AOPEP: variants seen among roughly 807,000 people sequenced by gnomAD.
AOPEP encodes aminopeptidase O.
A neutral mutation model predicts 98.1 loss-of-function variants in AOPEP; 77 were observed. The ratio of observed to expected loss-of-function variants is 0.78; its 90% CI spans 0.65 to 0.95. The LOEUF (loss-of-function observed/expected upper bound fraction) is 0.95, where lower values mean the gene tolerates loss of function less well. AOPEP is among the 40% of genes least tolerant of loss of function. The probability of loss-of-function intolerance (pLI) is 0.00; values close to 1 mark genes in which losing one functional copy is unlikely to be tolerated. For synonymous variants in AOPEP, 346 were observed against 365.3 expected (o/e 0.95, Z 0.60); for missense variants, 1,024 against 1,024.7 (o/e 1.00, Z 0.01).
the AOPEP span, among the ~76,000 whole-genome samples, chr9:95,147,244 G>A: frequency 4.6e-5 from 7 of 152,110 alleles, no homozygotes; most frequent in Non-Finnish European, 1.0e-4. Context: ...ACTGGCTGGC[G>A]CAGTGGCTCA....
chr9:94,759,653 C>T lies in AOPEP; in HGVS notation c.-131C>T. On this transcript the variant is annotated 5_prime_UTR_variant, in exon 2 of 17. Coordinates refer to ENST00000375315, the MANE Select transcript of AOPEP (RefSeq NM_001193329.3). ...TGTGCTTTCCTTTTTTGCCAGGAGA[C>T]TGAAAGGAACCATAATTTGTGACAT... The T allele has an allele frequency of 5.4e-6, 4 of 736,996 alleles. No individual in the cohort carries two copies. Among genetic ancestry groups the T allele is most frequent in the Non-Finnish European group, 6.4e-6 (3 of 466,790 alleles). The allele number at this position is 736,996 out of a possible 1,614,324, so 45.7% of individuals were successfully genotyped here.
intron 5 of AOPEP, among the ~76,000 whole-genome samples, chr9:94,817,808 A>C (rs1461561392): frequency 4.6e-5 from 7 of 152,174 alleles, no homozygotes; most frequent in Admixed American, 2.6e-4. Context: ...AGAGTTCCCT[A>C]AGCTTTCATG....
intron 5 of AOPEP, among the ~76,000 whole-genome samples, chr9:94,802,793 G>C (rs561877676): frequency 6.6e-6 from 1 of 152,292 alleles, no homozygotes; most frequent in African/African-American, 2.4e-5. Context: ...CCCAGGTCTA[G>C]ATGTTTTTCT....
intron 13 of AOPEP, among the ~76,000 whole-genome samples, chr9:95,033,123 T>C (rs1056469211): frequency 3.3e-5 from 5 of 152,230 alleles, no homozygotes; most frequent in Non-Finnish European, 5.9e-5. Flanking sequence ...TGCTATGTGC[T>C]GTTAATCTCG....
intron 5 of AOPEP, among the ~76,000 whole-genome samples, chr9:94,868,317 G>A (rs1230960496): frequency 6.6e-6 from 1 of 152,178 alleles, no homozygotes; most frequent in Non-Finnish European, 1.5e-5. Context: ...AGTTGTCTGG[G>A]AGTAATCATA....
intron 5 of AOPEP, among the ~76,000 whole-genome samples, chr9:94,890,025 ATTT>A (rs554356502): frequency 5.2e-5 from 7 of 134,060 alleles, no homozygotes; most frequent in Non-Finnish European, 3.3e-5. Flanking sequence ...GTATTACTTG[ATTT>A]TTTTTTTTTT....
chr9:94,933,754 AT>A (rs1008990358), intron 7 of AOPEP: 5,709 of 706,828 alleles, frequency 8.1e-3, no homozygotes, highest in Middle Eastern at 0.012. Context: ...ATTTTTTTTA[AT>A]TTTTTTTTTT....
chr9:94,933,640 T>C, intron 7 of AOPEP: 1 of 985,428 alleles, frequency 1.0e-6, no homozygotes, highest in Non-Finnish European at 1.2e-6. Flanking sequence ...TATGTAACCC[T>C]ATCCATAGCC....
At chr9:94,891,143 G>C (rs2136055023) in intron 5 of AOPEP, among the ~76,000 whole-genome samples, 1 of 152,288 alleles carries the variant, frequency 6.6e-6, no homozygotes, top group African/African-American at 2.4e-5. Flanking sequence ...ACACATTTAG[G>C]ATAGCTATAG....
chr9:95,040,614 C>A (rs981629849), intron 13 of AOPEP, among the ~76,000 whole-genome samples: 1 of 152,198 alleles, frequency 6.6e-6, no homozygotes, highest in Non-Finnish European at 1.5e-5. Context: ...ACCTTTCTCC[C>A]TCCCCTCCTC....
At chr9:94,984,468 C>T (rs2060393865) in intron 11 of AOPEP, among the ~76,000 whole-genome samples, 1 of 152,140 alleles carries the variant, frequency 6.6e-6, no homozygotes, top group Admixed American at 6.5e-5. Context: ...AGAGACCAAA[C>T]ATTTCTGATG....
At chr9:94,985,364 A>G (rs1052699651) in intron 11 of AOPEP, among the ~76,000 whole-genome samples, 20 of 152,296 alleles carry the variant, frequency 1.3e-4, no homozygotes, top group African/African-American at 4.8e-4. Context: ...TGTAGGGAAA[A>G]TGCTGCAATC....
At chr9:94,996,557 C>T (rs560462437) in intron 11 of AOPEP, among the ~76,000 whole-genome samples, 57 of 152,204 alleles carry the variant, frequency 3.7e-4, no homozygotes, top group Non-Finnish European at 7.1e-4. Context: ...AGACTCCCAT[C>T]ACGTCCCCTC....
chr9:94,952,350 C>T (rs946529976), intron 7 of AOPEP, among the ~76,000 whole-genome samples: 11 of 152,294 alleles, frequency 7.2e-5, no homozygotes, highest in Admixed American at 2.0e-4. Context: ...TATGATTTAT[C>T]CCCATGAAAG....
the AOPEP span, chr9:95,101,478 G>A: frequency 1.7e-6 from 1 of 592,842 alleles, no homozygotes; most frequent in East Asian, 2.9e-5. Flanking sequence ...AGTACCGAAG[G>A]CTCACTTGAG....
At chr9:94,876,667 G>T (rs2046986113) in intron 5 of AOPEP, among the ~76,000 whole-genome samples, 1 of 151,954 alleles carries the variant, frequency 6.6e-6, no homozygotes, top group Non-Finnish European at 1.5e-5. Context: ...ACCTAGCCGT[G>T]TTCCCTTCTT....
At chr9:94,730,390 A>G (rs771594391) in intron 1 of AOPEP, among the ~76,000 whole-genome samples, 2 of 151,848 alleles carry the variant, frequency 1.3e-5, no homozygotes, top group African/African-American at 4.8e-5. Flanking sequence ...TTTCCTTGAG[A>G]GTGAAGAAAA....
the AOPEP span, chr9:95,101,709 A>AGACTT: frequency 6.2e-7 from 1 of 1,613,818 alleles, no homozygotes; most frequent in African/African-American, 1.3e-5. Flanking sequence ...CGTGCCTTCT[A>AGACTT]GACTTGAGTT....
In AOPEP at chr9:94,760,121, A is replaced by G. The variant is rs2096274918; in HGVS notation, c.338A>G (p.Asp113Gly). 1.2e-6 allele frequency: 2 copies of G among 1,614,086 alleles called. No individual in the cohort carries two copies. The highest frequency in any genetic ancestry group is 1.3e-5 in the African/African-American group (1 of 74,928). ...SKGEKDTSDKDGNHDNQEHAS... is the reference protein window; with the variant it reads ...SKGEKDTSDKGGNHDNQEHAS... ...GGTGAAAAAGATACTTCTGATAAAGATGGTAACCATGACAACCAGGAACAT... is the reference window on the plus strand; with the variant it reads ...GGTGAAAAAGATACTTCTGATAAAGGTGGTAACCATGACAACCAGGAACAT... The change falls in exon 2 of 17, where the codon GAT (aspartate) becomes GGT (glycine). Residue 113 changes from aspartate to glycine, a missense_variant. Physicochemically the swap from Asp to Gly is moderately conservative, Grantham distance 94. Coordinates refer to ENST00000375315, the MANE Select transcript of AOPEP (RefSeq NM_001193329.3).
Sources: allele counts gnomAD v4.1 joint callset (sites outside exome capture counted in the v4.1 genomes callset), GRCh38; gene constraint gnomAD v4.1.1; transcripts MANE v1.5; gene names NCBI Gene and HGNC (gene_info 2026-07-23, HGNC 2026-07-21).